Variants in PHTF1 observed in about 807,000 individuals in gnomAD.
PHTF1 encodes the protein protein PHTF1.
In PHTF1, 88 loss-of-function variants were observed where a neutral mutation model predicts 102.4. The ratio of observed to expected loss-of-function variants is 0.86; its 90% CI spans 0.72 to 1.03. The LOEUF is 1.03. Ranked by LOEUF, PHTF1 falls within the 50% of genes least tolerant of loss-of-function variation. PHTF1 has a pLI of 0.00. For missense variants in PHTF1, 814 were observed against 909.5 expected, an observed-to-expected ratio of 0.89 and a Z score of 1.35; for synonymous variants, 289 against 305.2, an observed-to-expected ratio of 0.95 and a Z score of 0.55.
chr1:113,720,245 A>G (rs903413160), intron 7 of PHTF1, among the ~76,000 whole-genome samples: 1 of 152,202 alleles, frequency 6.6e-6, no homozygotes, highest in Non-Finnish European at 1.5e-5. Context: ...AAGAGGACAA[A>G]CAATTGTAAA....
chr1:113,704,977 C>T (rs1388608281), intron 13 of PHTF1, among the ~76,000 whole-genome samples, 180 bp from the exon 14 acceptor site: 1 of 152,186 alleles, frequency 6.6e-6, no homozygotes, highest in Non-Finnish European at 1.5e-5. Flanking sequence ...GTTTCCAAAG[C>T]ACATTACATA....
chr1:113,699,980 G>A, intron 16 of PHTF1, 181 bp from the exon 17 acceptor site: 2 of 756,408 alleles, frequency 2.6e-6, no homozygotes, highest in Non-Finnish European at 1.8e-6. Context: ...GTCTCCCTCT[G>A]GCAAAGAAAA....
At chr1:113,750,723 G>C (rs1657940155) in intron 3 of PHTF1, among the ~76,000 whole-genome samples, 1 of 151,968 alleles carries the variant, frequency 6.6e-6, no homozygotes, top group South Asian at 2.1e-4. Flanking sequence ...GGGCATGGTG[G>C]CGTGCGCCTG....
Position 113,730,145 on chromosome 1 carries a change from C to A in PHTF1, c.332-3571G>T, listed in dbSNP as rs1414828499. Among the ~76,000 whole-genome samples, 6 of 151,998 alleles carry A rather than the reference C, an allele frequency of 3.9e-5. No homozygotes were observed. In the East Asian group the frequency reaches 1.2e-3, roughly 29 times the overall value. ...CAGAAGTGAGAGTGATCCTGGGGACCCCCAAACTGGAGGCTGATATCTGAA... is the reference window on the plus strand; with the variant it reads ...CAGAAGTGAGAGTGATCCTGGGGACACCCAAACTGGAGGCTGATATCTGAA... On this transcript the variant is annotated intron_variant, in intron 5 of 18. Transcript: ENST00000369604.
chr1:113,711,429 C>T (rs1231750646), intron 10 of PHTF1, among the ~76,000 whole-genome samples: 1 of 152,174 alleles, frequency 6.6e-6, no homozygotes, highest in Non-Finnish European at 1.5e-5. Context: ...TCTTCATCAG[C>T]ATCAATCCAA....
At chr1:113,743,711 T>C (rs1243432969) in intron 3 of PHTF1, among the ~76,000 whole-genome samples, 1 of 152,180 alleles carries the variant, frequency 6.6e-6, no homozygotes, top group Admixed American at 6.5e-5. Flanking sequence ...CACTAGGCAA[T>C]AGGAATTTTT....
At chr1:113,699,923 C>T (rs749691615) in intron 16 of PHTF1, 124 bp from the exon 17 acceptor site, 6 of 681,868 alleles carry the variant, frequency 8.8e-6, no homozygotes, top group African/African-American at 5.4e-5. Flanking sequence ...CAATAGCTAT[C>T]GCTACAGAGA....
At position 113,728,721 on chromosome 1, in the gene PHTF1, C is replaced by A. The variant is rs1654201559; in HGVS notation, c.332-2147G>T. ...GTGAGAAGTTCAAGACCAGCCTGGG[C>A]AACATGGTGAAACCCTGTCTCTACT... On this transcript the variant is annotated intron_variant, in intron 5 of 18. Transcript: ENST00000369604. Among the ~76,000 whole-genome samples, 4 of 152,278 alleles carry A rather than the reference C, an allele frequency of 2.6e-5. No homozygotes were observed. The South Asian group carries it at 6.2e-4, about 24-fold the overall frequency.
Position 113,726,423 on chromosome 1 carries a change from T to G in PHTF1, c.483A>C (p.Arg161Ser). Reference sequence around the variant, plus strand: ...AGTGTAATTTCTCATCTTACCTTCTTCTTCGATTTCCATTGTTTCCTGATG... The same window carrying G: ...AGTGTAATTTCTCATCTTACCTTCTGCTTCGATTTCCATTGTTTCCTGATG... ...TRPSGNNGNR[R>S]RRKLRKTVNG... is the part of the protein sequence containing the mutation. The change falls in exon 6 of 19, where the codon AGA becomes AGC. Residue 161 changes from arginine (R) to serine (S), a missense_variant. Physicochemically the swap from Arg to Ser is moderately radical, Grantham distance 110. Coordinates refer to ENST00000369604, the MANE Select transcript of PHTF1 (RefSeq NM_001323043.2). 6 of 1,605,172 alleles carry G rather than the reference T, an allele frequency of 3.7e-6. No homozygotes were observed. Among genetic ancestry groups the G allele is most frequent in the Non-Finnish European group, 5.1e-6 (6 of 1,174,886 alleles).
chr1:113,735,365 CAA>C (rs749964684), intron 5 of PHTF1, among the ~76,000 whole-genome samples: 1 of 28,444 alleles, frequency 3.5e-5, no homozygotes, highest in African/African-American at 1.3e-4. Flanking sequence ...GACTCTGTCT[CAA>C]AAAAAAAAAA....
intron 8 of PHTF1, among the ~76,000 whole-genome samples, chr1:113,712,545 C>T (rs967639452): frequency 2.0e-5 from 3 of 152,168 alleles, no homozygotes; most frequent in African/African-American, 7.2e-5. Context: ...GTTATAGTAA[C>T]GGCTCAATAA....
At chr1:113,703,904 C>T in intron 15 of PHTF1, 177 bp downstream of exon 15, 1 of 541,940 alleles carries the variant, frequency 1.8e-6, no homozygotes, top group Non-Finnish European at 3.4e-6. Context: ...GAAAGGACTT[C>T]AGAATTACTT....
At chr1:113,705,834 C>T (rs575742072) in intron 13 of PHTF1, 56 bp downstream of exon 13, 2 of 1,373,088 alleles carry the variant, frequency 1.5e-6, no homozygotes, top group Admixed American at 4.0e-5. Context: ...AAAAGCAACT[C>T]AATGGAATAT....
At chr1:113,734,279 AC>A (rs1484379378) in intron 5 of PHTF1, among the ~76,000 whole-genome samples, 1 of 152,132 alleles carries the variant, frequency 6.6e-6, no homozygotes, top group Non-Finnish European at 1.5e-5. Context: ...AATAAAACAA[AC>A]AAACAAAAAC....
chr1:113,744,263 C>T (rs900070422), intron 3 of PHTF1, among the ~76,000 whole-genome samples: 1 of 152,132 alleles, frequency 6.6e-6, no homozygotes, highest in Non-Finnish European at 1.5e-5. Flanking sequence ...AACCACTTGA[C>T]AAATGAAGTC....
chr1:113,711,060 G>T (rs1387906569), intron 10 of PHTF1, among the ~76,000 whole-genome samples: 1 of 152,062 alleles, frequency 6.6e-6, no homozygotes, highest in Admixed American at 6.6e-5. Flanking sequence ...TCTGGGAGGG[G>T]AGTGATTCCT....
chr1:113,756,825 C>T (rs1379859720), intron 3 of PHTF1, among the ~76,000 whole-genome samples: 2 of 152,148 alleles, frequency 1.3e-5, no homozygotes, highest in African/African-American at 2.4e-5. Flanking sequence ...AGAATCCTCT[C>T]AGTTCTAAGA....
At chr1:113,747,543 C>T (rs1657429988) in intron 3 of PHTF1, among the ~76,000 whole-genome samples, 2 of 152,278 alleles carry the variant, frequency 1.3e-5, no homozygotes, top group African/African-American at 4.8e-5. Context: ...TTTTACTTTG[C>T]TGTGTTGGCT....
chr1:113,731,015 G>A (rs1444580497), intron 5 of PHTF1, among the ~76,000 whole-genome samples: 2 of 152,156 alleles, frequency 1.3e-5, no homozygotes, highest in African/African-American at 4.8e-5. Context: ...GATGGGTAGG[G>A]GAAATAGGGA....
Sources: gnomAD v4.1 joint callset for allele counts (sites outside exome capture counted in the v4.1 genomes callset) on GRCh38, gnomAD v4.1.1 for gene constraint, MANE v1.5 for transcripts, NCBI Gene and HGNC (gene_info 2026-07-23, HGNC 2026-07-21) for gene names.